The following KIZ variants were observed in gnomAD, a reference collection of about 807,000 sequenced individuals.
KIZ encodes the protein centrosomal protein kizuna.
A neutral mutation model predicts 79.6 loss-of-function variants in KIZ; 68 were observed. That is an observed-to-expected ratio of 0.85 (90% CI 0.70 to 1.05). The LOEUF is 1.05. Ranked by LOEUF, KIZ falls within the 50% of genes least tolerant of loss-of-function variation. The pLI is 0.00. For missense variants in KIZ, 797 were observed against 800.4 expected (o/e 1.00, Z 0.05); for synonymous variants, 280 against 281.8 (o/e 0.99, Z 0.06).
intron 9 of KIZ, 70 bp downstream of exon 9, chr20:21,215,718 G>A: frequency 9.1e-7 from 1 of 1,097,506 alleles, no homozygotes; most frequent in South Asian, 1.4e-5. Flanking sequence ...AACATTTTGG[G>A]TCAGTGGTTT....
chr20:21,190,753 A>G (rs1216873001), intron 6 of KIZ, among the ~76,000 whole-genome samples: 2 of 152,226 alleles, frequency 1.3e-5, no homozygotes, highest in African/African-American at 2.4e-5. Flanking sequence ...TTCCTTGGGA[A>G]TTATATGCAA....
At chr20:21,232,967 A>G in intron 11 of KIZ, 137 bp downstream of exon 11, 1 of 613,284 alleles carries the variant, frequency 1.6e-6, no homozygotes, top group Non-Finnish European at 2.9e-6. Context: ...TATCTAAAAT[A>G]ACAGTTGAAA....
chr20:21,198,624 C>T (rs1209997809), intron 6 of KIZ: 2 of 152,532 alleles, frequency 1.3e-5, no homozygotes, highest in Non-Finnish European at 2.9e-5. Context: ...AAATCTAGTA[C>T]ACATTGATTC....
At chr20:21,162,670 T>C in intron 5 of KIZ, 163 bp downstream of exon 5, 2 of 788,192 alleles carry the variant, frequency 2.5e-6, no homozygotes, top group Admixed American at 2.9e-5. Context: ...AATTTGCTGA[T>C]TTTTAAACCC....
intron 7 of KIZ, among the ~76,000 whole-genome samples, chr20:21,207,603 T>C: frequency 6.6e-6 from 1 of 151,406 alleles, no homozygotes; most frequent in Non-Finnish European, 1.5e-5. Flanking sequence ...AAATAAATTA[T>C]TACAAACATA....
upstream of KIZ, chr20:21,125,997 C>T: frequency 7.6e-7 from 1 of 1,321,044 alleles, no homozygotes; most frequent in Non-Finnish European, 9.7e-7. Context: ...TCTTGCCCCG[C>T]CTCCTGCAGG....
intron 1 of KIZ, among the ~76,000 whole-genome samples, chr20:21,131,677 G>T (rs2031854052): frequency 6.6e-6 from 1 of 152,240 alleles, no homozygotes; most frequent in Non-Finnish European, 1.5e-5. Flanking sequence ...TTGAGGGCAG[G>T]AGTCTTGGCT....
intron 8 of KIZ, 122 bp downstream of exon 8, chr20:21,214,822 T>G: frequency 1.8e-6 from 1 of 545,574 alleles, no homozygotes; most frequent in Admixed American, 3.1e-5. Context: ...ATATGCATAA[T>G]ATAGTATTTG....
At chr20:21,164,336 A>G (rs1204649638) in intron 6 of KIZ, among the ~76,000 whole-genome samples, 2 of 152,252 alleles carry the variant, frequency 1.3e-5, no homozygotes, top group African/African-American at 4.8e-5. Flanking sequence ...ATATCCAAGT[A>G]CAGAGTTCTT....
Position 21,162,441 on chromosome 20 carries a change from T to G in KIZ, c.976T>G (p.Ser326Ala), listed in dbSNP as rs2033720562. The G allele has an allele frequency of 3.1e-6, 5 of 1,613,316 alleles. No homozygotes were observed. The highest frequency in any genetic ancestry group is 1.6e-4 in the Middle Eastern group (1 of 6,084). Reference sequence around the variant, plus strand: ...CCCGCCAGTCTCTCCGATACCAGTTTCAGAATACTGTGAATCTGAAAATAA... The same window carrying G: ...CCCGCCAGTCTCTCCGATACCAGTTGCAGAATACTGTGAATCTGAAAATAA... ...ASPPVSPIPV[S>A]EYCESENKWS... The change falls in exon 5 of 13, where the codon TCA becomes GCA. Residue 326 changes from serine (S) to alanine (A), a missense_variant. Coordinates refer to ENST00000619189, the MANE Select transcript of KIZ (RefSeq NM_018474.6).
Position 21,191,979 on chromosome 20 carries a change from G to A in KIZ, c.1353-13512G>A, listed in dbSNP as rs1160034082. 2.0e-5 allele frequency among the ~76,000 whole-genome samples: 3 copies of A among 152,214 alleles called. No homozygotes were observed. In the East Asian group the frequency reaches 5.8e-4, roughly 29 times the overall value. ...TTTCTTCTACTCACAAACCCTCTTT[G>A]TTGGGAACTGTCCAACCCCAGCTTC... On this transcript the variant is annotated intron_variant, in intron 6 of 12. Coordinates refer to ENST00000619189, the MANE Select transcript of KIZ (RefSeq NM_018474.6).
intron 9 of KIZ, among the ~76,000 whole-genome samples, chr20:21,228,771 T>C (rs962428291): frequency 6.6e-6 from 1 of 152,158 alleles, no homozygotes; most frequent in South Asian, 2.1e-4. Context: ...ACAGACCCAC[T>C]CAAAATAATG....
At chr20:21,169,717 C>G (rs2034119632) in intron 6 of KIZ, among the ~76,000 whole-genome samples, 1 of 152,192 alleles carries the variant, frequency 6.6e-6, no homozygotes, top group Non-Finnish European at 1.5e-5. Context: ...GACCTGTGCT[C>G]CATCTACTCA....
intron 2 of KIZ, among the ~76,000 whole-genome samples, chr20:21,135,711 T>C (rs188281324): frequency 6.6e-6 from 1 of 152,324 alleles, no homozygotes; most frequent in East Asian, 1.9e-4. Flanking sequence ...ATGAGAAAAG[T>C]CGACTACACA....
Position 21,126,154 on chromosome 20 carries a change from T to C in KIZ, c.39T>C (p.Ser13=). 1 of 1,510,816 alleles carries C rather than the reference T, an allele frequency of 6.6e-7. No homozygotes were observed. 93.6% of individuals were successfully genotyped at this position (1,510,816 alleles called of 1,614,324 possible). Residue 13 remains serine (S), a synonymous_variant, in exon 1 of 13, where the codon AGT becomes AGC. Coordinates refer to ENST00000619189, the MANE Select transcript of KIZ (RefSeq NM_018474.6). ...TCGCATCGGCCGTGCCCCTGTCGAG[T>C]CCCGACTACTACGAGAGGCTGGGCC... is the stretch of plus-strand genomic sequence containing the variant. ...RTLASAVPLS[S]PDYYERLGQL... is the part of the protein sequence containing the mutation.
At chr20:21,172,787 C>T (rs1014650297) in intron 6 of KIZ, among the ~76,000 whole-genome samples, 2 of 152,264 alleles carry the variant, frequency 1.3e-5, no homozygotes, top group Middle Eastern at 3.4e-3. Flanking sequence ...ATCCACTTAA[C>T]CTCATCTGTT....
At chr20:21,144,392 T>C (rs1345425685) in intron 3 of KIZ, among the ~76,000 whole-genome samples, 1 of 152,184 alleles carries the variant, frequency 6.6e-6, no homozygotes, top group Admixed American at 6.5e-5. Flanking sequence ...TGTTTAAAGC[T>C]CTTGGGGCTA....
intron 7 of KIZ, among the ~76,000 whole-genome samples, chr20:21,205,894 G>A (rs1271556619): frequency 1.3e-5 from 2 of 151,708 alleles, no homozygotes; most frequent in Non-Finnish European, 2.9e-5. Context: ...CCAGGATGCA[G>A]AGGTTGCAGT....
chr20:21,245,642 C>G (rs1273581146), intron 12 of KIZ: 1 of 152,294 alleles, frequency 6.6e-6, no homozygotes, highest in Non-Finnish European at 1.5e-5. Flanking sequence ...CAGGGCACCT[C>G]AGCTCCAATT....
Sources: gnomAD v4.1 joint callset for allele counts (sites outside exome capture counted in the v4.1 genomes callset) on GRCh38, gnomAD v4.1.1 for gene constraint, MANE v1.5 for transcripts, NCBI Gene and HGNC (gene_info 2026-07-23, HGNC 2026-07-21) for gene names.